AP1G1: variants seen among roughly 807,000 people sequenced by gnomAD.
AP1G1 encodes the protein adaptor related protein complex 1 subunit gamma 1.
AP1G1 carries 7 observed loss-of-function variants against 108.3 expected under a neutral mutation model. That is an observed-to-expected ratio of 0.06 (90% CI 0.04 to 0.12). The LOEUF is 0.12. AP1G1 is among the 10% of genes least tolerant of loss of function. AP1G1 has a pLI of 1.00. For synonymous variants in AP1G1, 379 were observed against 353.5 expected (o/e 1.07, Z -0.81); for missense variants, 756 against 1,010.7 (o/e 0.75, Z 3.42).
At chr16:71,738,217 A>T (rs1227941708) in intron 21 of AP1G1, among the ~76,000 whole-genome samples, 1 of 144,304 alleles carries the variant, frequency 6.9e-6, no homozygotes, top group Non-Finnish European at 1.5e-5. Context: ...CGCCCGGCTA[A>T]TTTTTTTTTT....
chr16:71,766,520 C>T, intron 6 of AP1G1: 1 of 433,684 alleles, frequency 2.3e-6, no homozygotes, highest in Non-Finnish European at 4.8e-6. Context: ...CAACTAAAAA[C>T]TCAATTTTTA....
At chr16:71,734,854 T>C (rs1340595799) in intron 21 of AP1G1, 147 bp from the exon 22 acceptor site, 2 of 640,592 alleles carry the variant, frequency 3.1e-6, no homozygotes, top group South Asian at 1.9e-5. Flanking sequence ...TTTCTAGATA[T>C]CAGGAATTCA....
intron 2 of AP1G1, among the ~76,000 whole-genome samples, chr16:71,788,643 A>G (rs762221246): frequency 7.5e-6 from 1 of 132,810 alleles, no homozygotes; most frequent in Non-Finnish European, 1.6e-5. Context: ...GCAATTAAGA[A>G]GACATTTAGC....
intron 17 of AP1G1, 66 bp from the exon 18 acceptor site, chr16:71,745,680 C>A: frequency 7.3e-7 from 1 of 1,378,898 alleles, no homozygotes; most frequent in Non-Finnish European, 1.0e-6. Context: ...AAATAATCAC[C>A]ATTAACTATG....
intron 13 of AP1G1, chr16:71,753,527 G>A (rs973006808): frequency 3.4e-5 from 10 of 292,680 alleles, no homozygotes; most frequent in Non-Finnish European, 5.2e-5. Flanking sequence ...TATTCCTCAC[G>A]ATCTCTGCAT....
intron 2 of AP1G1, among the ~76,000 whole-genome samples, chr16:71,787,105 G>A (rs2032230823): frequency 6.6e-6 from 1 of 151,690 alleles, no homozygotes; most frequent in African/African-American, 2.4e-5. Flanking sequence ...CAGATAACGA[G>A]GTCAGGAATT....
At chr16:71,756,426 G>A (rs757842423) in intron 11 of AP1G1, 1 of 291,278 alleles carries the variant, frequency 3.4e-6, no homozygotes, top group Non-Finnish European at 6.3e-6. Context: ...CATGCAGCTT[G>A]GGTTCAACAG....
At chr16:71,749,491 A>C (rs1361291638) in intron 15 of AP1G1, among the ~76,000 whole-genome samples, 1 of 152,006 alleles carries the variant, frequency 6.6e-6, no homozygotes, top group Non-Finnish European at 1.5e-5. Context: ...TAAAAAAAAA[A>C]AAACAAAAAA....
At chr16:71,798,026 T>A (rs2032647695) in intron 1 of AP1G1, among the ~76,000 whole-genome samples, 1 of 152,104 alleles carries the variant, frequency 6.6e-6, no homozygotes, top group Non-Finnish European at 1.5e-5. Context: ...TACGTAGGAA[T>A]AAATTTAGTA....
At chr16:71,760,192 G>A (rs2031009458) in intron 10 of AP1G1, among the ~76,000 whole-genome samples, 1 of 150,748 alleles carries the variant, frequency 6.6e-6, no homozygotes, top group Non-Finnish European at 1.5e-5. Flanking sequence ...TTTAGAAGGA[G>A]AAGATAACTC....
At chr16:71,757,908 T>C (rs554330877) in intron 11 of AP1G1, among the ~76,000 whole-genome samples, 22 of 152,346 alleles carry the variant, frequency 1.4e-4, no homozygotes, top group African/African-American at 4.3e-4. Context: ...TGGGACTGAA[T>C]TGTAACTAAT....
chr16:71,774,651 A>G, intron 2 of AP1G1, 59 bp from the exon 3 acceptor site: 1 of 1,523,326 alleles, frequency 6.6e-7, no homozygotes. Flanking sequence ...AATCTAGAAA[A>G]GCAGTGTTTT....
At position 71,751,975 on chromosome 16, in the gene AP1G1, AT is replaced by A. The variant is rs2030531522; in HGVS notation, c.1285-1644del. ...AACTATAAGCCAATCTCTCTCATGA[AT>A]ACACATATAAAAATACTCAACAAGA... On this transcript the variant is annotated intron_variant, in intron 13 of 22. Coordinates refer to ENST00000299980, the MANE Select transcript of AP1G1 (RefSeq NM_001128.6). Among the ~76,000 whole-genome samples the A allele has an allele frequency of 2.0e-5, 3 of 152,316 alleles. No homozygotes were observed. The South Asian group carries it at 6.2e-4, about 32-fold the overall frequency.
At chr16:71,735,281 A>G (rs1454860868) in intron 21 of AP1G1, among the ~76,000 whole-genome samples, 2 of 152,232 alleles carry the variant, frequency 1.3e-5, no homozygotes, top group East Asian at 3.8e-4. Context: ...TTGCAGAACC[A>G]GCCTATACAG....
chr16:71,808,790 A>G lies in AP1G1; in HGVS notation c.-31T>C. 1 of 1,289,730 alleles carries G rather than the reference A, an allele frequency of 7.8e-7. No homozygotes were observed. Among genetic ancestry groups the G allele is most frequent in the Non-Finnish European group, 1.0e-6 (1 of 988,804 alleles). The allele number at this position is 1,289,730 out of a possible 1,614,324, so 79.9% of individuals were successfully genotyped here. A position where few individuals can be genotyped will look rare whatever the true frequency, so the allele number is the denominator to read the frequency against. On this transcript the variant is annotated 5_prime_UTR_variant, in exon 1 of 23. Transcript: ENST00000299980. ...GCCCGAAACCTCGAATGAAACCAGC[A>G]GCTCCGGGGGCGGCGGCAGCAGTGG... is the stretch of plus-strand genomic sequence containing the variant.
At chr16:71,808,655 A>C in intron 1 of AP1G1, 108 bp downstream of exon 1, 1 of 1,289,406 alleles carries the variant, frequency 7.8e-7, no homozygotes, top group Non-Finnish European at 1.0e-6. Flanking sequence ...CAACACCCAC[A>C]GCCTGGGACT....
At chr16:71,771,944 G>A (rs1045822755) in intron 4 of AP1G1, among the ~76,000 whole-genome samples, 1 of 152,030 alleles carries the variant, frequency 6.6e-6, no homozygotes, top group Non-Finnish European at 1.5e-5. Context: ...AGAAAAGATG[G>A]TTTTACTAGC....
At chr16:71,773,514 A>T in intron 3 of AP1G1, 152 bp from the exon 4 acceptor site, 2 of 760,250 alleles carry the variant, frequency 2.6e-6, no homozygotes, top group South Asian at 5.9e-5. Flanking sequence ...CAACTTTATT[A>T]CAAATTATCA....
intron 3 of AP1G1, among the ~76,000 whole-genome samples, chr16:71,774,172 G>T (rs1335242304): frequency 6.7e-6 from 1 of 149,582 alleles, no homozygotes; most frequent in Non-Finnish European, 1.5e-5. Flanking sequence ...GAGGTCAGGA[G>T]TTCGAGACCA....
Sources: gnomAD v4.1 joint callset for allele counts (sites outside exome capture counted in the v4.1 genomes callset) on GRCh38, gnomAD v4.1.1 for gene constraint, MANE v1.5 for transcripts, NCBI Gene and HGNC (gene_info 2026-07-23, HGNC 2026-07-21) for gene names.